The following CDH23 variants were observed in gnomAD, a reference collection of about 807,000 sequenced individuals.
CDH23 encodes the protein cadherin related 23.
Under a neutral mutation model 317.1 loss-of-function variants are expected in CDH23, and 189 were observed. The observed-to-expected ratio is 0.60, with a 90% CI of 0.53 to 0.67. CDH23 has a LOEUF of 0.67. Ranked by LOEUF, CDH23 falls within the 30% of genes least tolerant of loss-of-function variation. CDH23 has a pLI of 0.00. For missense variants in CDH23, 4,401 were observed against 4,592.4 expected (o/e 0.96, Z 1.20); for synonymous variants, 1,839 against 1,876.8 (o/e 0.98, Z 0.52).
Position 71,695,428 on chromosome 10 carries a change from C to A in CDH23, c.2300C>A (p.Thr767Asn), listed in dbSNP as rs753331543. 7 of 1,611,540 alleles carry A rather than the reference C, an allele frequency of 4.3e-6. No homozygotes were observed. The highest frequency in any genetic ancestry group is 1.3e-5 in the African/African-American group (1 of 75,016). The change falls in exon 22 of 70, where the codon ACC becomes AAC. Residue 767 changes from threonine (T) to asparagine (N), a missense_variant. Transcript: ENST00000224721. ...QKTGIATVNI[T>N]LLDINDNHPT... ...CTTATGGCTTCACAGGTAAACATCA[C>A]CCTCCTGGACATCAATGACAACCAC...
chr10:71,549,179 T>C (rs1448137848), intron 6 of CDH23, among the ~76,000 whole-genome samples: 1 of 152,184 alleles, frequency 6.6e-6, no homozygotes, highest in East Asian at 1.9e-4. Flanking sequence ...GAGCTGGGGC[T>C]CCTTGGGCCA....
chr10:71,423,562 G>A (rs1345156545), intron 1 of CDH23, among the ~76,000 whole-genome samples: 3 of 152,176 alleles, frequency 2.0e-5, no homozygotes, highest in Admixed American at 1.3e-4. Flanking sequence ...GCAGCTCCAG[G>A]GGGGTGATGC....
chr10:71,487,389 C>T (rs1852407924), intron 3 of CDH23, among the ~76,000 whole-genome samples: 1 of 151,990 alleles, frequency 6.6e-6, no homozygotes, highest in Non-Finnish European at 1.5e-5. Flanking sequence ...CCGTTCAGAC[C>T]CGTGTTGTTC....
intron 11 of CDH23, among the ~76,000 whole-genome samples, chr10:71,633,632 A>C (rs1472099754): frequency 1.3e-5 from 2 of 152,178 alleles, no homozygotes; most frequent in Non-Finnish European, 2.9e-5. Flanking sequence ...AAGACCGGGC[A>C]GCTCCCTTGG....
intron 29 of CDH23, among the ~76,000 whole-genome samples, chr10:71,724,387 G>A (rs966915564): frequency 6.6e-6 from 1 of 152,178 alleles, no homozygotes; most frequent in Non-Finnish European, 1.5e-5. Context: ...CTGCCTCCTG[G>A]GTTCAAGCGA....
intron 6 of CDH23, among the ~76,000 whole-genome samples, chr10:71,564,634 G>A (rs1246855793): frequency 1.3e-5 from 2 of 152,306 alleles, no homozygotes; most frequent in East Asian, 1.9e-4. Flanking sequence ...TCGCCTCCCC[G>A]AGGCAGGGAG....
intron 6 of CDH23, among the ~76,000 whole-genome samples, chr10:71,515,357 T>TTCTCTC (rs3059687): frequency 1.3e-4 from 16 of 126,268 alleles, no homozygotes; most frequent in East Asian, 4.8e-4. Flanking sequence ...ACCTGTCTGT[T>TTCTCTC]TCTCTCTCTC....
chr10:71,404,201 C>T lies in CDH23; in HGVS notation c.-6+6883C>T, dbSNP rs190534405. Reference sequence around the variant, plus strand: ...TCGCATATATATACACCTGTGTAACCGCCTCACTGCCATGGAGATACAGAA... The same window carrying T: ...TCGCATATATATACACCTGTGTAACTGCCTCACTGCCATGGAGATACAGAA... On this transcript the variant is annotated intron_variant, in intron 1 of 69. Coordinates refer to ENST00000224721, the MANE Select transcript of CDH23 (RefSeq NM_022124.6). 7.9e-4 allele frequency among the ~76,000 whole-genome samples: 120 copies of T among 152,306 alleles called. 4 individuals are homozygous for T. In the South Asian group the frequency reaches 0.02, roughly 25 times the overall value.
chr10:71,592,959 T>A (rs189468007), intron 9 of CDH23, among the ~76,000 whole-genome samples: 41 of 152,356 alleles, frequency 2.7e-4, no homozygotes, highest in African/African-American at 9.9e-4. Flanking sequence ...TATCCCATTC[T>A]GAGTTTCCTA....
At chr10:71,710,625 G>A (rs977412046) in intron 27 of CDH23, among the ~76,000 whole-genome samples, 9 of 152,234 alleles carry the variant, frequency 5.9e-5, no homozygotes, top group Non-Finnish European at 1.2e-4. Flanking sequence ...TCAGGACATG[G>A]CCTTCCCAGG....
chr10:71,794,302 G>C (rs975702393), intron 48 of CDH23, among the ~76,000 whole-genome samples: 8 of 152,150 alleles, frequency 5.3e-5, no homozygotes, highest in African/African-American at 1.4e-4. Context: ...GCACCCAGCC[G>C]TGATACCTTG....
intron 3 of CDH23, among the ~76,000 whole-genome samples, chr10:71,451,075 TG>T (rs1850417663): frequency 6.6e-6 from 1 of 152,162 alleles, no homozygotes; most frequent in African/African-American, 2.4e-5. Context: ...GGCCAAAAGC[TG>T]GGACTCATTC....
chr10:71,790,220 A>C (rs1275902158), intron 45 of CDH23, 68 bp from the exon 46 acceptor site: 13 of 1,579,730 alleles, frequency 8.2e-6, no homozygotes, highest in Non-Finnish European at 1.0e-5. Flanking sequence ...TCACCGGGAC[A>C]GGGCAGGGGA....
At chr10:71,759,838 CACACACACATAT>C (rs1444248560) in intron 38 of CDH23, among the ~76,000 whole-genome samples, 9 of 57,258 alleles carry the variant, frequency 1.6e-4, no homozygotes, top group East Asian at 4.6e-4. Context: ...CACACACACA[CACACACACATAT>C]ACACACACAC....
intron 18 of CDH23, among the ~76,000 whole-genome samples, chr10:71,685,621 A>G (rs1051573731): frequency 4.6e-5 from 7 of 152,294 alleles, no homozygotes; most frequent in Middle Eastern, 6.8e-3. Flanking sequence ...AAGAGGCCCC[A>G]TTTTCAAATT....
chr10:71,781,937 T>C (rs1840967897), intron 41 of CDH23, among the ~76,000 whole-genome samples: 1 of 152,180 alleles, frequency 6.6e-6, no homozygotes, highest in African/African-American at 2.4e-5. Context: ...ACCTCGGGGT[T>C]CATGTTGGTC....
At chr10:71,644,263 T>C (rs956001529) in intron 12 of CDH23, among the ~76,000 whole-genome samples, 1 of 152,232 alleles carries the variant, frequency 6.6e-6, no homozygotes, top group African/African-American at 2.4e-5. Context: ...AAGAGAGGGC[T>C]TAGGGAGCTC....
At chr10:71,688,096 T>C (rs1864980696) in intron 19 of CDH23, among the ~76,000 whole-genome samples, 1 of 152,184 alleles carries the variant, frequency 6.6e-6, no homozygotes, top group Non-Finnish European at 1.5e-5. Flanking sequence ...GGCCATGATT[T>C]CAGAGGGGTG....
chr10:71,696,150 GA>G (rs982294942), intron 22 of CDH23, among the ~76,000 whole-genome samples: 3 of 152,294 alleles, frequency 2.0e-5, no homozygotes, highest in Admixed American at 6.5e-5. Flanking sequence ...GAATCCTGGG[GA>G]AACTGAGGAA....
Sources: gnomAD v4.1 joint callset for allele counts (sites outside exome capture counted in the v4.1 genomes callset) on GRCh38, gnomAD v4.1.1 for gene constraint, MANE v1.5 for transcripts, NCBI Gene and HGNC (gene_info 2026-07-23, HGNC 2026-07-21) for gene names.